The following PTPRD variants were observed in gnomAD, a reference collection of about 807,000 sequenced individuals.
PTPRD encodes the protein protein tyrosine phosphatase receptor type D, also known as receptor-type tyrosine-protein phosphatase delta.
PTPRD carries 34 observed loss-of-function variants against 214.5 expected under a neutral mutation model. That is an observed-to-expected ratio of 0.16 (90% CI 0.12 to 0.21). PTPRD has a LOEUF of 0.21. Among genes scored for constraint, PTPRD ranks in the 10% least tolerant of loss-of-function variants. The pLI is 1.00. For synonymous variants in PTPRD, 1,128 were observed against 845.7 expected (o/e 1.33, Z -5.79); for missense variants, 2,545 against 2,398.7 (o/e 1.06, Z -1.27).
chr9:9,236,912 C>A (rs1239132350), intron 9 of PTPRD, among the ~76,000 whole-genome samples: 2 of 152,094 alleles, frequency 1.3e-5, no homozygotes, highest in African/African-American at 4.8e-5. Flanking sequence ...TTGGAGTGCT[C>A]TGGATCTTGA....
intron 7 of PTPRD, among the ~76,000 whole-genome samples, chr9:9,666,368 A>T (rs2096722227): frequency 6.6e-6 from 1 of 151,914 alleles, no homozygotes; most frequent in African/African-American, 2.4e-5. Flanking sequence ...AACAGTAAAA[A>T]AATTATGATC....
At chr9:8,726,022 G>C (rs910630827) in intron 12 of PTPRD, among the ~76,000 whole-genome samples, 14 of 140,140 alleles carry the variant, frequency 1.0e-4, no homozygotes, top group African/African-American at 3.4e-4. Context: ...CAGACAGACA[G>C]ACAGACACAC....
chr9:9,546,847 AAC>A (rs1387763973), intron 8 of PTPRD, among the ~76,000 whole-genome samples: 7 of 151,834 alleles, frequency 4.6e-5, no homozygotes, highest in Non-Finnish European at 1.0e-4. Context: ...GTAATTACCA[AAC>A]AGTGTTCCTC....
At chr9:9,001,679 C>T (rs141475240) in intron 11 of PTPRD, among the ~76,000 whole-genome samples, 1 of 152,068 alleles carries the variant, frequency 6.6e-6, no homozygotes, top group East Asian at 1.9e-4. Context: ...CCATTGTGAG[C>T]TACATTGCTG....
chr9:8,588,553 G>A (rs896666638), intron 14 of PTPRD, among the ~76,000 whole-genome samples: 1 of 152,100 alleles, frequency 6.6e-6, no homozygotes, highest in Admixed American at 6.5e-5. Flanking sequence ...TGGTAAAAGT[G>A]TGCTTATAAA....
intron 26 of PTPRD, among the ~76,000 whole-genome samples, chr9:8,493,392 G>A (rs953034602): frequency 6.6e-6 from 1 of 152,154 alleles, no homozygotes; most frequent in Admixed American, 6.5e-5. Context: ...ACTATGCCTG[G>A]CTTATAGGAA....
At chr9:9,605,888 T>C (rs572395632) in intron 7 of PTPRD, among the ~76,000 whole-genome samples, 10 of 152,222 alleles carry the variant, frequency 6.6e-5, no homozygotes, top group Non-Finnish European at 1.3e-4. Context: ...GGCTCTTTTA[T>C]GTTATAAGTA....
At chr9:10,439,392 A>G (rs148852627) in intron 2 of PTPRD, among the ~76,000 whole-genome samples, 2,756 of 151,922 alleles carry the variant, frequency 0.018, 44 homozygotes, top group Non-Finnish European at 0.025. Flanking sequence ...CATCTGGATT[A>G]CTTCTATTAA....
In PTPRD at chr9:9,026,906, T is replaced by C. The variant is rs1423690728; in HGVS notation, c.-142-8171A>G. On this transcript the variant is annotated intron_variant, in intron 10 of 45. Transcript: ENST00000381196. ...CCTTATCAGCCAAAGAAAGCAAGTT[T>C]CAATTCACATTCCAGGAAGGAATCT... 2.6e-5 allele frequency among the ~76,000 whole-genome samples: 4 copies of C among 151,754 alleles called. No homozygotes were observed. The East Asian group carries it at 7.8e-4, about 30-fold the overall frequency.
intron 39 of PTPRD, among the ~76,000 whole-genome samples, chr9:8,347,109 A>G (rs4740939): frequency 0.49 from 75,119 of 151,904 alleles, 21,458 homozygotes; most frequent in Non-Finnish European, 0.65. Context: ...CTACACTAAT[A>G]ATGTGCTGGT....
intron 30 of PTPRD, among the ~76,000 whole-genome samples, chr9:8,473,636 C>G (rs1331411629): frequency 6.6e-6 from 1 of 152,090 alleles, no homozygotes; most frequent in Non-Finnish European, 1.5e-5. Flanking sequence ...TGATGAGTTT[C>G]ATTAATTTTT....
At chr9:8,848,127 C>T (rs527739925) in intron 11 of PTPRD, among the ~76,000 whole-genome samples, 1 of 151,988 alleles carries the variant, frequency 6.6e-6, no homozygotes, top group East Asian at 1.9e-4. Context: ...AGTTGTATCA[C>T]TGGCAGAATA....
intron 8 of PTPRD, among the ~76,000 whole-genome samples, chr9:9,417,938 T>C (rs528377175): frequency 6.6e-6 from 1 of 152,182 alleles, no homozygotes; most frequent in Non-Finnish European, 1.5e-5. Flanking sequence ...TGATAAAATA[T>C]CCAATTAGAT....
intron 2 of PTPRD, among the ~76,000 whole-genome samples, chr9:10,603,205 C>G (rs933369363): frequency 6.6e-6 from 1 of 151,814 alleles, no homozygotes; most frequent in African/African-American, 2.4e-5. Flanking sequence ...CTCTTTCTGA[C>G]AGATTGGAAA....
At chr9:9,238,103 G>A (rs1447256442) in intron 9 of PTPRD, among the ~76,000 whole-genome samples, 1 of 152,054 alleles carries the variant, frequency 6.6e-6, no homozygotes, top group Non-Finnish European at 1.5e-5. Context: ...GGACCTGAAG[G>A]AGACATCCTG....
intron 12 of PTPRD, among the ~76,000 whole-genome samples, chr9:8,723,158 C>T (rs987179446): frequency 5.3e-5 from 8 of 152,226 alleles, no homozygotes; most frequent in Admixed American, 4.6e-4. Flanking sequence ...TCTCCTGGAC[C>T]TTATTTTGTC....
At chr9:8,416,886 G>C (rs1185178728) in intron 35 of PTPRD, among the ~76,000 whole-genome samples, 2 of 151,902 alleles carry the variant, frequency 1.3e-5, no homozygotes, top group Non-Finnish European at 2.9e-5. Flanking sequence ...GAAGGGTTAA[G>C]ATACTTTCCA....
intron 27 of PTPRD, among the ~76,000 whole-genome samples, chr9:8,490,928 A>C (rs1319469155): frequency 6.6e-6 from 1 of 152,224 alleles, no homozygotes; most frequent in Non-Finnish European, 1.5e-5. Context: ...TATGGTTATT[A>C]GGAGCTCACA....
At chr9:8,827,465 G>A (rs1490669714) in intron 11 of PTPRD, among the ~76,000 whole-genome samples, 2 of 151,992 alleles carry the variant, frequency 1.3e-5, no homozygotes, top group Non-Finnish European at 2.9e-5. Flanking sequence ...AAATTAGCCA[G>A]GTATGGTGGC....
Sources: allele counts gnomAD v4.1 joint callset (sites outside exome capture counted in the v4.1 genomes callset), GRCh38; gene constraint gnomAD v4.1.1; transcripts MANE v1.5; gene names NCBI Gene and HGNC (gene_info 2026-07-23, HGNC 2026-07-21).